The following THEMIS variants were observed in gnomAD, a reference collection of about 807,000 sequenced individuals.
THEMIS encodes the protein thymocyte selection associated.
Under a neutral mutation model 52.6 loss-of-function variants are expected in THEMIS, and 37 were observed. The ratio of observed to expected loss-of-function variants is 0.70; its 90% CI spans 0.54 to 0.93. The LOEUF (loss-of-function observed/expected upper bound fraction) is 0.93. Among genes scored for constraint, THEMIS ranks in the 40% least tolerant of loss-of-function variants. THEMIS has a pLI of 0.00. For synonymous variants in THEMIS, 292 were observed against 272.7 expected (o/e 1.07, Z -0.70); for missense variants, 808 against 763.1 (o/e 1.06, Z -0.69).
At chr6:127,861,434 G>C (rs952435642) in intron 1 of THEMIS, among the ~76,000 whole-genome samples, 4 of 151,948 alleles carry the variant, frequency 2.6e-5, no homozygotes, top group Non-Finnish European at 4.4e-5. Context: ...CCCTAACTTT[G>C]TTAGCATTAA....
intron 2 of THEMIS, among the ~76,000 whole-genome samples, chr6:127,847,025 A>G (rs1295770083): frequency 1.3e-5 from 2 of 152,072 alleles, no homozygotes; most frequent in Non-Finnish European, 1.5e-5. Flanking sequence ...AGAATTAAAA[A>G]CAGAAATCAC....
chr6:127,729,273 G>A (rs1009999788), intron 4 of THEMIS, among the ~76,000 whole-genome samples: 1 of 148,800 alleles, frequency 6.7e-6, no homozygotes, highest in Non-Finnish European at 1.5e-5. Flanking sequence ...TTTTCTACTT[G>A]TTTCTGACAT....
intron 5 of THEMIS, among the ~76,000 whole-genome samples, chr6:127,719,196 C>T (rs1166153029): frequency 1.3e-5 from 2 of 151,906 alleles, no homozygotes; most frequent in African/African-American, 4.8e-5. Context: ...ATGCTATCAA[C>T]TCCTCCACAA....
Position 127,813,282 on chromosome 6 carries a change from G to A in THEMIS, c.1359C>T (p.Phe453=), listed in dbSNP as rs769241991. The change falls in exon 4 of 6, where the codon TTC becomes TTT. Residue 453 remains phenylalanine (F), a synonymous_variant. Transcript: ENST00000368248. The part of the protein sequence containing the change: ...QYPISELCKQ[F]RLPFNVKVSV... The stretch of plus-strand genomic sequence containing the variant: ...ACACCTTCACATTGAAGGGCAAACG[G>A]AACTGTTTACAGAGCTCAGAAATCG... The A allele has an allele frequency of 5.0e-6, 8 of 1,614,100 alleles. No individual in the cohort carries two copies. The Admixed American group carries it at 1.3e-4, about 27-fold the overall frequency.
At chr6:127,815,581 T>C (rs1432954760) in intron 3 of THEMIS, among the ~76,000 whole-genome samples, 1 of 152,194 alleles carries the variant, frequency 6.6e-6, no homozygotes, top group Non-Finnish European at 1.5e-5. Flanking sequence ...TAAAGATTTT[T>C]AATTTTTAGA....
chr6:127,700,375 CA>C, the THEMIS span, among the ~76,000 whole-genome samples: 33 of 145,944 alleles, frequency 2.3e-4, no homozygotes, highest in Admixed American at 1.0e-3. Flanking sequence ...TGCACAAAAA[CA>C]AAAAAAAAAT....
intron 4 of THEMIS, among the ~76,000 whole-genome samples, chr6:127,751,681 A>T (rs1775648943): frequency 6.6e-6 from 1 of 151,664 alleles, no homozygotes; most frequent in Admixed American, 6.6e-5. Context: ...CTAACTATAT[A>T]AAACAAATAC....
chr6:127,843,294 T>G (rs1160943124), intron 2 of THEMIS, among the ~76,000 whole-genome samples: 2 of 151,858 alleles, frequency 1.3e-5, no homozygotes, highest in East Asian at 3.9e-4. Context: ...TTTCTATGAT[T>G]AAGCAAGAAG....
chr6:127,885,177 A>G (rs944449536), intron 1 of THEMIS, among the ~76,000 whole-genome samples: 3 of 152,182 alleles, frequency 2.0e-5, no homozygotes, highest in Non-Finnish European at 2.9e-5. Flanking sequence ...ATTATTATTC[A>G]AAAGCCATTT....
At chr6:127,909,238 A>G (rs1250842580) in intron 1 of THEMIS, among the ~76,000 whole-genome samples, 1 of 152,108 alleles carries the variant, frequency 6.6e-6, no homozygotes, top group African/African-American at 2.4e-5. Context: ...ACCTGGTGCC[A>G]CTAGACTGAG....
chr6:127,785,759 T>C (rs889423742), intron 4 of THEMIS, among the ~76,000 whole-genome samples: 28 of 151,962 alleles, frequency 1.8e-4, no homozygotes, highest in African/African-American at 6.3e-4. Flanking sequence ...AAGTGACTCA[T>C]TATATGAGTA....
intron 1 of THEMIS, among the ~76,000 whole-genome samples, chr6:127,916,332 G>T (rs1230391366): frequency 1.3e-5 from 2 of 151,928 alleles, no homozygotes; most frequent in Non-Finnish European, 2.9e-5. Flanking sequence ...ACAATAAAAA[G>T]TCACTGCCCA....
intron 4 of THEMIS, among the ~76,000 whole-genome samples, chr6:127,794,549 T>C (rs1281876014): frequency 2.0e-5 from 3 of 152,212 alleles, no homozygotes; most frequent in Non-Finnish European, 2.9e-5. Context: ...GCTGGTCTTC[T>C]ACTTCAGCAC....
chr6:127,847,856 A>G (rs1779271285), intron 2 of THEMIS, among the ~76,000 whole-genome samples: 1 of 151,034 alleles, frequency 6.6e-6, no homozygotes, highest in South Asian at 2.1e-4. Flanking sequence ...ACCAAAAAGA[A>G]CAGATCTGGA....
chr6:127,821,967 T>C (rs1778355285), intron 3 of THEMIS, among the ~76,000 whole-genome samples: 1 of 152,026 alleles, frequency 6.6e-6, no homozygotes, highest in South Asian at 2.1e-4. Context: ...AAAGAAATTT[T>C]ATAAATTCTA....
intron 1 of THEMIS, among the ~76,000 whole-genome samples, chr6:127,895,145 C>T (rs1475160194): frequency 6.6e-6 from 1 of 151,120 alleles, no homozygotes; most frequent in African/African-American, 2.4e-5. Context: ...ATTCGGAAAA[C>T]TCCTAGAAAG....
chr6:127,835,947 G>T (rs544113384), intron 2 of THEMIS, among the ~76,000 whole-genome samples: 6 of 152,194 alleles, frequency 3.9e-5, no homozygotes, highest in African/African-American at 7.2e-5. Flanking sequence ...GCAGATTAGA[G>T]GGAGAATAAA....
chr6:127,854,624 G>A (rs759887804), intron 2 of THEMIS, among the ~76,000 whole-genome samples: 12 of 151,844 alleles, frequency 7.9e-5, no homozygotes, highest in African/African-American at 2.4e-4. Context: ...CAAGGTCAAC[G>A]GTGATCCAAG....
At chr6:127,858,996 G>A (rs1480782283) in intron 1 of THEMIS, among the ~76,000 whole-genome samples, 1 of 152,018 alleles carries the variant, frequency 6.6e-6, no homozygotes, top group Non-Finnish European at 1.5e-5. Flanking sequence ...TCCCTTGTTT[G>A]ACAATCCATA....
Sources: allele counts gnomAD v4.1 joint callset (sites outside exome capture counted in the v4.1 genomes callset), GRCh38; gene constraint gnomAD v4.1.1; transcripts MANE v1.5; gene names NCBI Gene and HGNC (gene_info 2026-07-23, HGNC 2026-07-21).